Variants in CCSER1 observed in about 807,000 individuals in gnomAD.
CCSER1 encodes coiled-coil serine rich protein 1.
CCSER1 carries 41 observed loss-of-function variants against 82.0 expected under a neutral mutation model. That is an observed-to-expected ratio of 0.50 (90% confidence interval 0.39 to 0.65). The LOEUF (loss-of-function observed/expected upper bound fraction) is 0.65. Ranked by LOEUF, CCSER1 falls within the 30% of genes least tolerant of loss-of-function variation. CCSER1 has a pLI of 0.00. For synonymous variants in CCSER1, 414 were observed against 383.9 expected (o/e 1.08, Z -0.92); for missense variants, 1,119 against 1,064.2 (o/e 1.05, Z -0.72).
At chr4:90,349,451 A>G (rs1401714884) in intron 3 of CCSER1, among the ~76,000 whole-genome samples, 1 of 152,138 alleles carries the variant, frequency 6.6e-6, no homozygotes, top group Admixed American at 6.5e-5. Context: ...ATACAATTCT[A>G]GAATTTACTT....
At chr4:91,173,196 A>T (rs937696837) in intron 10 of CCSER1, among the ~76,000 whole-genome samples, 2 of 152,228 alleles carry the variant, frequency 1.3e-5, no homozygotes, top group African/African-American at 4.8e-5. Flanking sequence ...TGATTAATTT[A>T]TTCAGAATGT....
At chr4:90,286,398 G>A (rs1249771969) in intron 1 of CCSER1, among the ~76,000 whole-genome samples, 7 of 151,936 alleles carry the variant, frequency 4.6e-5, no homozygotes, top group African/African-American at 1.7e-4. Context: ...CACATAAGGT[G>A]ACAATTTCAA....
At chr4:90,497,694 G>T (rs762479926) in intron 5 of CCSER1, among the ~76,000 whole-genome samples, 34 of 152,130 alleles carry the variant, frequency 2.2e-4, no homozygotes, top group South Asian at 1.9e-3. Flanking sequence ...ACTAATTACT[G>T]TATTTGTTAT....
At chr4:91,557,146 C>T (rs920221055) in intron 10 of CCSER1, among the ~76,000 whole-genome samples, 5 of 148,044 alleles carry the variant, frequency 3.4e-5, no homozygotes, top group African/African-American at 1.0e-4. Flanking sequence ...GAGTGTACAA[C>T]TCTTAAGAAT....
intron 9 of CCSER1, among the ~76,000 whole-genome samples, chr4:90,967,011 T>C (rs1009294845): frequency 6.6e-6 from 1 of 152,080 alleles, no homozygotes; most frequent in African/African-American, 2.4e-5. Flanking sequence ...ATTATGAAGC[T>C]AAAATAATCA....
chr4:90,804,292 C>G (rs1415272866), intron 7 of CCSER1, among the ~76,000 whole-genome samples: 1 of 152,044 alleles, frequency 6.6e-6, no homozygotes, highest in African/African-American at 2.4e-5. Flanking sequence ...TTGTCCATGC[C>G]TATGTCTTGA....
intron 6 of CCSER1, among the ~76,000 whole-genome samples, chr4:90,673,948 T>A (rs1733300266): frequency 6.6e-6 from 1 of 151,960 alleles, no homozygotes; most frequent in Admixed American, 6.6e-5. Context: ...ACTTCTTATA[T>A]CCTTATGACA....
At chr4:91,476,062 C>G (rs1201779034) in intron 10 of CCSER1, among the ~76,000 whole-genome samples, 7 of 151,798 alleles carry the variant, frequency 4.6e-5, no homozygotes, top group Non-Finnish European at 3.0e-5. Flanking sequence ...TAGGTTGTTT[C>G]CTTATCTTGG....
intron 5 of CCSER1, among the ~76,000 whole-genome samples, chr4:90,483,356 C>A (rs919318965): frequency 3.3e-5 from 5 of 152,170 alleles, no homozygotes; most frequent in African/African-American, 1.2e-4. Flanking sequence ...TTCATTGGAG[C>A]ATTTAGTCCA....
chr4:91,558,404 T>C (rs1295876115), intron 10 of CCSER1, among the ~76,000 whole-genome samples: 1 of 151,724 alleles, frequency 6.6e-6, no homozygotes, highest in African/African-American at 2.4e-5. Context: ...TATTTAAATA[T>C]TGCTGTAACA....
intron 9 of CCSER1, among the ~76,000 whole-genome samples, chr4:91,010,149 G>A (rs577652867): frequency 2.6e-5 from 4 of 152,048 alleles, no homozygotes; most frequent in African/African-American, 4.8e-5. Flanking sequence ...ATTTCTTAAG[G>A]ATAGCTTTGC....
chr4:90,898,140 T>C (rs1459751238), intron 8 of CCSER1, among the ~76,000 whole-genome samples: 1 of 151,812 alleles, frequency 6.6e-6, no homozygotes, highest in African/African-American at 2.4e-5. Context: ...TACTTTTCTT[T>C]TTGTTCCATT....
chr4:91,547,012 G>T, intron 10 of CCSER1, among the ~76,000 whole-genome samples: 1 of 137,650 alleles, frequency 7.3e-6, no homozygotes, highest in Admixed American at 7.5e-5. Flanking sequence ...TTAGGAGTGT[G>T]TTGTTTAAAT....
At chr4:90,886,254 G>A (rs997977882) in intron 8 of CCSER1, among the ~76,000 whole-genome samples, 11 of 152,258 alleles carry the variant, frequency 7.2e-5, no homozygotes, top group Admixed American at 3.9e-4. Context: ...TGCAGAGGTA[G>A]GCTCCTTTAA....
intron 3 of CCSER1, among the ~76,000 whole-genome samples, chr4:90,319,847 G>A (rs988157247): frequency 6.6e-6 from 1 of 152,044 alleles, no homozygotes; most frequent in African/African-American, 2.4e-5. Flanking sequence ...TAATAAAAAT[G>A]GAAGCCATTA....
chr4:90,886,826 G>A (rs1227563476), intron 8 of CCSER1, among the ~76,000 whole-genome samples: 1 of 152,074 alleles, frequency 6.6e-6, no homozygotes, highest in Non-Finnish European at 1.5e-5. Flanking sequence ...CTACTGAATT[G>A]AAAAAAGAAA....
chr4:90,272,147 A>G lies in CCSER1; in HGVS notation c.-41-36097A>G, dbSNP rs1726656331. The stretch of plus-strand genomic sequence containing the variant: ...TCTCCCTGGACACATGAGGATTACA[A>G]TTCAAGATGAGATTTGGATGGGGAC... On this transcript the variant is annotated intron_variant, in intron 1 of 10. Coordinates refer to ENST00000509176, the MANE Select transcript of CCSER1 (RefSeq NM_001145065.2). Among the ~76,000 whole-genome samples, 2 of 152,032 alleles carry G rather than the reference A, an allele frequency of 1.3e-5. 1 individual carries two copies. Among genetic ancestry groups the G allele is most frequent in the South Asian group, 4.2e-4 (2 of 4,816 alleles).
chr4:90,404,709 A>C (rs1233819608), intron 4 of CCSER1, among the ~76,000 whole-genome samples: 1 of 152,190 alleles, frequency 6.6e-6, no homozygotes, highest in African/African-American at 2.4e-5. Context: ...CTCAGCCCAG[A>C]ACCAGCCCAG....
chr4:91,367,285 C>G (rs941663303), intron 10 of CCSER1, among the ~76,000 whole-genome samples: 2 of 143,446 alleles, frequency 1.4e-5, no homozygotes, highest in Non-Finnish European at 3.0e-5. Flanking sequence ...CCGCTGCACT[C>G]CAGCATAGGT....
Sources: gnomAD v4.1 joint callset for allele counts (sites outside exome capture counted in the v4.1 genomes callset) on GRCh38, gnomAD v4.1.1 for gene constraint, MANE v1.5 for transcripts, NCBI Gene and HGNC (gene_info 2026-07-23, HGNC 2026-07-21) for gene names.